FAM184B: variants seen among roughly 807,000 people sequenced by gnomAD.
The protein encoded by FAM184B is protein FAM184B.
In FAM184B, 111 loss-of-function variants were observed where a neutral mutation model predicts 135.9. The observed-to-expected ratio is 0.82, with a 90% confidence interval of 0.70 to 0.96. FAM184B has a LOEUF of 0.96. FAM184B is among the 40% of genes least tolerant of loss of function. The pLI is 0.00. For synonymous variants in FAM184B, 552 were observed against 524.8 expected, an observed-to-expected ratio of 1.05 and a Z score of -0.71; for missense variants, 1,375 against 1,323.9, an observed-to-expected ratio of 1.04 and a Z score of -0.60.
At chr4:17,758,785 C>G (rs1718479220) in intron 1 of FAM184B, among the ~76,000 whole-genome samples, 1 of 152,170 alleles carries the variant, frequency 6.6e-6, no homozygotes, top group Non-Finnish European at 1.5e-5. Context: ...CCACAGCACT[C>G]TGCAGTTGCA....
At position 17,722,726 on chromosome 4, in the gene FAM184B, T is replaced by C. The variant is rs562576058; in HGVS notation, c.142-13082A>G. Among the ~76,000 whole-genome samples the C allele has an allele frequency of 1.3e-4, 20 of 152,302 alleles. 1 individual carries two copies. Among genetic ancestry groups the C allele is most frequent in the Non-Finnish European group, 1.5e-4 (10 of 68,018 alleles). ...TTTCCCAGGGAGTCTCCCCACTGCA[T>C]AAGATGGGGGTCTGGAAAGGGATCA... On this transcript the variant is annotated intron_variant, in intron 1 of 17. Transcript: ENST00000265018.
At chr4:17,747,647 A>C (rs910744304) in intron 1 of FAM184B, among the ~76,000 whole-genome samples, 5 of 151,848 alleles carry the variant, frequency 3.3e-5, no homozygotes, top group East Asian at 3.9e-4. Flanking sequence ...CAAGGCCGGG[A>C]GCGGTGGCTC....
chr4:17,658,648 C>T lies in FAM184B; in HGVS notation c.1825-86G>A, dbSNP rs1032688028. 15 of 1,273,200 alleles carry T rather than the reference C, an allele frequency of 1.2e-5. No homozygotes were observed. In the Admixed American group the frequency reaches 2.9e-4, roughly 24 times the overall value. The allele number at this position is 1,273,200 out of a possible 1,614,324, so 78.9% of individuals were successfully genotyped here. Reference sequence around the variant, plus strand: ...CAAATAAAAGCTTTCTAAATGTTACCTCCATGCAGCTGAGCCTCCTCTGTC... The same window carrying T: ...CAAATAAAAGCTTTCTAAATGTTACTTCCATGCAGCTGAGCCTCCTCTGTC... On this transcript the variant is annotated intron_variant, in intron 9 of 17. Coordinates refer to ENST00000265018, the MANE Select transcript of FAM184B (RefSeq NM_015688.2).
At chr4:17,718,341 G>T (rs1286067159) in intron 1 of FAM184B, among the ~76,000 whole-genome samples, 1 of 151,674 alleles carries the variant, frequency 6.6e-6, no homozygotes, top group African/African-American at 2.4e-5. Flanking sequence ...ATCATACCTT[G>T]TTTAGAAAAA....
intron 7 of FAM184B, among the ~76,000 whole-genome samples, chr4:17,670,193 T>C (rs1716139940): frequency 6.6e-6 from 1 of 152,234 alleles, no homozygotes; most frequent in African/African-American, 2.4e-5. Flanking sequence ...TTCATTTGTA[T>C]TTAAATGTAT....
At chr4:17,778,052 C>CGT (rs1302446201) in intron 1 of FAM184B, among the ~76,000 whole-genome samples, 1 of 150,398 alleles carries the variant, frequency 6.6e-6, no homozygotes, top group African/African-American at 2.5e-5. Context: ...ACCTGGGTGA[C>CGT]GTAGTGAGAC....
At chr4:17,718,192 C>T (rs192339849) in intron 1 of FAM184B, among the ~76,000 whole-genome samples, 1 of 152,264 alleles carries the variant, frequency 6.6e-6, no homozygotes, top group African/African-American at 2.4e-5. Flanking sequence ...AAGCACTTAA[C>T]CCTTCTTAAG....
intron 1 of FAM184B, among the ~76,000 whole-genome samples, chr4:17,740,419 C>T (rs1323886036): frequency 6.7e-6 from 1 of 149,346 alleles, no homozygotes; most frequent in Non-Finnish European, 1.5e-5. Flanking sequence ...ATGGTTCACA[C>T]CACAACAACA....
chr4:17,650,011 CATCT>C lies in FAM184B; in HGVS notation c.2192-2224_2192-2221del, dbSNP rs1288547847. Among the ~76,000 whole-genome samples, 12 of 151,752 alleles carry C rather than the reference CATCT, an allele frequency of 7.9e-5. No homozygotes were observed. The South Asian group carries it at 1.0e-3, about 13-fold the overall frequency. ...TTGCCCACCCAATCATCCACCCATC[CATCT>C]GTGTGTCCACCCATTTGTCTGCCCA... On this transcript the variant is annotated intron_variant, in intron 11 of 17. Coordinates refer to ENST00000265018, the MANE Select transcript of FAM184B (RefSeq NM_015688.2).
intron 3 of FAM184B, among the ~76,000 whole-genome samples, chr4:17,706,317 C>T (rs1055100573): frequency 6.6e-6 from 1 of 152,198 alleles, no homozygotes; most frequent in African/African-American, 2.4e-5. Flanking sequence ...AAACCCACAA[C>T]ACCTTTCTGG....
At chr4:17,663,477 T>C (rs1259018385) in intron 8 of FAM184B, among the ~76,000 whole-genome samples, 3 of 152,146 alleles carry the variant, frequency 2.0e-5, no homozygotes, top group Non-Finnish European at 2.9e-5. Flanking sequence ...TAGTTTTCTA[T>C]GCCCAAAATC....
intron 14 of FAM184B, among the ~76,000 whole-genome samples, chr4:17,638,503 G>A (rs973402105): frequency 6.6e-6 from 1 of 152,006 alleles, no homozygotes; most frequent in Non-Finnish European, 1.5e-5. Flanking sequence ...AGCACAGCCT[G>A]TTTGCTTATT....
At chr4:17,704,005 G>A (rs1485855181) in intron 5 of FAM184B, among the ~76,000 whole-genome samples, 1 of 151,676 alleles carries the variant, frequency 6.6e-6, no homozygotes, top group East Asian at 1.9e-4. Context: ...CAGTCACACA[G>A]CTTGTGTCAG....
At chr4:17,708,689 A>AG (rs1717172470) in intron 2 of FAM184B, among the ~76,000 whole-genome samples, 1 of 51,286 alleles carries the variant, frequency 1.9e-5, no homozygotes, top group Non-Finnish European at 3.5e-5. Flanking sequence ...ATATATATAT[A>AG]TATATATATA....
At chr4:17,730,981 G>A (rs1717761017) in intron 1 of FAM184B, among the ~76,000 whole-genome samples, 1 of 152,180 alleles carries the variant, frequency 6.6e-6, no homozygotes, top group African/African-American at 2.4e-5. Flanking sequence ...GGAAGAAAGG[G>A]TATCAGTAAT....
In FAM184B at chr4:17,642,090, G is replaced by A. The variant is rs562060832; in HGVS notation, c.2485C>T (p.Gln829Ter). 1.3e-6 allele frequency: 2 copies of A among 1,532,606 alleles called. No individual in the cohort carries two copies. The highest frequency in any genetic ancestry group is 2.4e-5 in the South Asian group (2 of 83,890). 94.9% of individuals were successfully genotyped at this position (1,532,606 alleles called of 1,614,324 possible). The change falls in exon 13 of 18, where the codon CAG (glutamine) becomes TAG (stop). Residue 829 changes from glutamine to a stop codon, truncating the protein, a stop_gained. Coordinates refer to ENST00000265018, the MANE Select transcript of FAM184B (RefSeq NM_015688.2). LOFTEE classifies it high-confidence loss of function. ...RRLRAEVEQH[Q>*]QEAQKLRDQR... ...TCTCGGAGCTTCTGCGCCTCCTGCTGATGCTGCTCCACCTCCGCGCGCAGC... is the reference window on the plus strand; with the variant it reads ...TCTCGGAGCTTCTGCGCCTCCTGCTAATGCTGCTCCACCTCCGCGCGCAGC...
chr4:17,660,155 A>C (rs1715879809), intron 8 of FAM184B, 68 bp from the exon 9 acceptor site: 1 of 1,519,070 alleles, frequency 6.6e-7, no homozygotes, highest in Non-Finnish European at 8.9e-7. Context: ...CACTCCGATA[A>C]CGTGCCAGCC....
At chr4:17,728,174 A>G (rs929868347) in intron 1 of FAM184B, among the ~76,000 whole-genome samples, 3 of 152,196 alleles carry the variant, frequency 2.0e-5, no homozygotes, top group Non-Finnish European at 4.4e-5. Flanking sequence ...ATCACGACGA[A>G]GGTAGTGATG....
intron 1 of FAM184B, among the ~76,000 whole-genome samples, chr4:17,714,362 T>C (rs1717362693): frequency 6.6e-6 from 1 of 152,172 alleles, no homozygotes; most frequent in Non-Finnish European, 1.5e-5. Flanking sequence ...GCTTATGTCC[T>C]TTCCACAGTT....
Sources: allele counts gnomAD v4.1 joint callset (sites outside exome capture counted in the v4.1 genomes callset), GRCh38; gene constraint gnomAD v4.1.1; transcripts MANE v1.5; gene names NCBI Gene and HGNC (gene_info 2026-07-23, HGNC 2026-07-21).